COL11A1: variants seen among roughly 807,000 people sequenced by gnomAD.
COL11A1 encodes the protein collagen type XI alpha 1 chain, also known as collagen alpha-1(XI) chain.
A neutral mutation model predicts 265.2 loss-of-function variants in COL11A1; 74 were observed. That is an observed-to-expected ratio of 0.28 (90% CI 0.23 to 0.34). COL11A1 has a LOEUF of 0.34. Among genes scored for constraint, COL11A1 ranks in the 10% least tolerant of loss-of-function variants. The pLI, the probability that COL11A1 is intolerant of heterozygous loss-of-function variation, is 1.00. For synonymous variants in COL11A1, 816 were observed against 727.6 expected, an observed-to-expected ratio of 1.12 and a Z score of -1.96; for missense variants, 2,165 against 2,263.6, an observed-to-expected ratio of 0.96 and a Z score of 0.88.
chr1:103,042,431 G>A (rs866267109), intron 4 of COL11A1, among the ~76,000 whole-genome samples: 1 of 152,010 alleles, frequency 6.6e-6, no homozygotes, highest in Non-Finnish European at 1.5e-5. Context: ...AGGAATACTT[G>A]TTATTCACTG....
Position 102,887,004 on chromosome 1 carries a change from G to C in COL11A1, c.4661C>G (p.Thr1554Arg). The C allele has an allele frequency of 6.2e-7, 1 of 1,613,678 alleles. No individual in the cohort carries two copies. Among genetic ancestry groups the C allele is most frequent in the Non-Finnish European group, 8.5e-7 (1 of 1,179,792 alleles). Reference sequence around the variant, plus strand: ...TTGCATGCCTTCAGTATGTCTTCTCGTTTTTTTGGAGGACAAGATTGGTAA... The same window carrying C: ...TTGCATGCCTTCAGTATGTCTTCTCCTTTTTTTGGAGGACAAGATTGGTAA... The part of the protein sequence containing the change: ...QPLPILSSKK[T>R]RRHTEGMQAD... The change falls in exon 63 of 67, where the codon ACG becomes AGG. Residue 1554 changes from threonine to arginine, a missense_variant. By Grantham distance (71) the Thr-to-Arg change is moderately conservative. Transcript: ENST00000370096.
intron 4 of COL11A1, among the ~76,000 whole-genome samples, chr1:103,059,714 C>G (rs1321666755): frequency 2.0e-5 from 3 of 151,998 alleles, no homozygotes; most frequent in Admixed American, 2.0e-4. Context: ...ATAAAAAACA[C>G]CATAATTGAA....
Position 103,015,712 on chromosome 1 carries a change from C to A in COL11A1, c.1444G>T (p.Ala482Ser). 1.2e-6 allele frequency: 2 copies of A among 1,608,550 alleles called. No individual in the cohort carries two copies. The highest frequency in any genetic ancestry group is 1.7e-6 in the Non-Finnish European group (2 of 1,177,052). Reference protein sequence around the residue: ...GPPGRPGLPGADGLPGPPGTM... With the variant: ...GPPGRPGLPGSDGLPGPPGTM... ...CCAGGAGGACCAGGTAGACCATCAG[C>A]CCCTGGTAAGCCAGGACGTCCTGGG... The change falls in exon 12 of 67, where the codon GCT (alanine) becomes TCT (serine). Residue 482 changes from alanine (A) to serine (S), a missense_variant. Transcript: ENST00000370096.
intron 35 of COL11A1, 98 bp downstream of exon 35, chr1:102,978,610 T>G: frequency 1.6e-6 from 2 of 1,279,492 alleles, no homozygotes; most frequent in Admixed American, 1.7e-5. Flanking sequence ...TGGATAGACA[T>G]GCACATGTAT....
At chr1:103,082,754 G>C (rs1269059310) in intron 2 of COL11A1, 51 bp downstream of exon 2, 1 of 1,471,168 alleles carries the variant, frequency 6.8e-7, no homozygotes, top group Non-Finnish European at 9.4e-7. Context: ...AGTAACAAAA[G>C]TGTAATAACT....
intron 4 of COL11A1, among the ~76,000 whole-genome samples, chr1:103,048,329 T>C (rs1424863654): frequency 1.3e-5 from 2 of 152,214 alleles, no homozygotes; most frequent in Non-Finnish European, 1.5e-5. Flanking sequence ...GGTTTATTCT[T>C]GGGAGGATGT....
intron 4 of COL11A1, among the ~76,000 whole-genome samples, chr1:103,070,924 G>T (rs1671534377): frequency 6.6e-6 from 1 of 151,786 alleles, no homozygotes; most frequent in African/African-American, 2.4e-5. Flanking sequence ...GCTCTTAATG[G>T]CTTTTGAGAT....
At chr1:103,091,605 A>G (rs1673329459) in intron 1 of COL11A1, among the ~76,000 whole-genome samples, 1 of 152,098 alleles carries the variant, frequency 6.6e-6, no homozygotes, top group African/African-American at 2.4e-5. Flanking sequence ...GGACATGGGA[A>G]GTGTTCCACA....
chr1:103,027,377 C>A (rs1329680621), intron 5 of COL11A1, among the ~76,000 whole-genome samples: 2 of 132,084 alleles, frequency 1.5e-5, no homozygotes, highest in South Asian at 4.7e-4. Flanking sequence ...AAGCAGTAAA[C>A]TCAACAAGTT....
chr1:102,877,715 T>C lies in COL11A1; in HGVS notation c.*304A>G, dbSNP rs964825161. On this transcript the variant is annotated 3_prime_UTR_variant, in exon 67 of 67. Coordinates refer to ENST00000370096, the MANE Select transcript of COL11A1 (RefSeq NM_001854.4). ...GAGCACCATATTTTTTATGAATATA[T>C]ATTTTTCTTTTTTTGTTTTCTACAG... is the stretch of plus-strand genomic sequence containing the variant. 3 of 311,360 alleles carry C rather than the reference T, an allele frequency of 9.6e-6. No homozygotes were observed. Among genetic ancestry groups the C allele is most frequent in the Admixed American group, 4.6e-5 (1 of 21,600 alleles). 19.3% of individuals were successfully genotyped at this position (311,360 alleles called of 1,614,324 possible). A position where few individuals can be genotyped will look rare whatever the true frequency, so the allele number is the denominator to read the frequency against.
chr1:102,915,972 T>C (rs1655291218), intron 49 of COL11A1, among the ~76,000 whole-genome samples: 1 of 152,170 alleles, frequency 6.6e-6, no homozygotes, highest in Admixed American at 6.5e-5. Flanking sequence ...AACAGACATA[T>C]GCATGTTTCC....
chr1:102,952,062 G>A (rs1339032856), intron 41 of COL11A1, among the ~76,000 whole-genome samples: 2 of 152,032 alleles, frequency 1.3e-5, no homozygotes, highest in African/African-American at 2.4e-5. Context: ...ACAGAATGCT[G>A]ATTTGACTCT....
chr1:103,098,942 T>C (rs902344736), intron 1 of COL11A1, among the ~76,000 whole-genome samples: 4 of 151,702 alleles, frequency 2.6e-5, no homozygotes, highest in African/African-American at 9.7e-5. Flanking sequence ...CAGCAGAAAT[T>C]GGTTCAAGAT....
intron 36 of COL11A1, among the ~76,000 whole-genome samples, chr1:102,972,874 T>C (rs1250370782): frequency 1.3e-5 from 2 of 152,050 alleles, no homozygotes; most frequent in Non-Finnish European, 2.9e-5. Context: ...TTCAAGTTAA[T>C]GTGTTTTTTA....
At chr1:103,089,620 T>C (rs1207907925) in intron 1 of COL11A1, among the ~76,000 whole-genome samples, 1 of 152,214 alleles carries the variant, frequency 6.6e-6, no homozygotes, top group Non-Finnish European at 1.5e-5. Context: ...CACTATCAAA[T>C]TGCAAAGACA....
intron 29 of COL11A1, among the ~76,000 whole-genome samples, chr1:102,988,529 G>T (rs968615390): frequency 1.3e-5 from 2 of 152,098 alleles, no homozygotes; most frequent in Non-Finnish European, 2.9e-5. Flanking sequence ...AGATTGAAAG[G>T]CATAAATTAC....
chr1:102,987,683 G>A lies in COL11A1; in HGVS notation c.2452C>T (p.Arg818Ter). 6.2e-7 allele frequency: 1 copy of A among 1,613,494 alleles called. No individual in the cohort carries two copies. Among genetic ancestry groups the A allele is most frequent in the Non-Finnish European group, 8.5e-7 (1 of 1,179,704 alleles). ...CCTGGGTCTCCAGTTGGGCCTGCTC[G>A]ACCTTTGGGTCCTTCAGGGCCATCT... The part of the protein sequence containing the change: ...GEDGPEGPKG[R>*]AGPTGDPGPS... The change falls in exon 30 of 67, where the codon CGA (arginine) becomes TGA (stop). Residue 818 changes from arginine to a stop codon, truncating the protein, a stop_gained. Transcript: ENST00000370096. LOFTEE classifies it high-confidence loss of function.
chr1:103,066,697 T>C (rs1671179128), intron 4 of COL11A1, among the ~76,000 whole-genome samples: 1 of 151,914 alleles, frequency 6.6e-6, no homozygotes, highest in Non-Finnish European at 1.5e-5. Context: ...GCATAACATT[T>C]AATGTAAATT....
intron 12 of COL11A1, among the ~76,000 whole-genome samples, chr1:103,015,212 A>AT (rs1029516532): frequency 5.9e-5 from 9 of 152,010 alleles, no homozygotes; most frequent in South Asian, 2.1e-4. Flanking sequence ...TAAAATATGC[A>AT]TTTTTTTCCC....
Sources: gnomAD v4.1 joint callset for allele counts (sites outside exome capture counted in the v4.1 genomes callset) on GRCh38, gnomAD v4.1.1 for gene constraint, MANE v1.5 for transcripts, NCBI Gene and HGNC (gene_info 2026-07-23, HGNC 2026-07-21) for gene names.